Variants in FLNB observed in about 807,000 individuals in gnomAD.
FLNB encodes the protein filamin-B.
A neutral mutation model predicts 250.6 loss-of-function variants in FLNB; 111 were observed. The ratio of observed to expected loss-of-function variants is 0.44; its 90% CI spans 0.38 to 0.52. The LOEUF is 0.52. FLNB is among the 20% of genes least tolerant of loss of function. FLNB has a pLI of 0.00. For synonymous variants in FLNB, 1,302 were observed against 1,372.1 expected, an observed-to-expected ratio of 0.95 and a Z score of 1.13; for missense variants, 2,869 against 3,447.8, an observed-to-expected ratio of 0.83 and a Z score of 4.20.
At chr3:58,124,163 C>A (rs1028901329) in intron 21 of FLNB, among the ~76,000 whole-genome samples, 169 bp from the exon 22 acceptor site, 1 of 152,124 alleles carries the variant, frequency 6.6e-6, no homozygotes, top group African/African-American at 2.4e-5. Context: ...GAAAGGCCTT[C>A]TTTGGGATGG....
chr3:58,028,076 A>G (rs1201522245), intron 1 of FLNB, among the ~76,000 whole-genome samples: 1 of 152,242 alleles, frequency 6.6e-6, no homozygotes, highest in Non-Finnish European at 1.5e-5. Flanking sequence ...AACTGGGAAG[A>G]GAATAACGTC....
chr3:58,112,360 G>C, intron 18 of FLNB, 42 bp downstream of exon 18: 1 of 1,598,022 alleles, frequency 6.3e-7, no homozygotes, highest in Non-Finnish European at 8.6e-7. Flanking sequence ...CCCCAGCCAG[G>C]CCCCTTTCTA....
intron 1 of FLNB, among the ~76,000 whole-genome samples, chr3:58,073,392 G>A (rs931567851): frequency 2.0e-5 from 3 of 152,016 alleles, no homozygotes; most frequent in African/African-American, 7.3e-5. Context: ...GTCTGGTCCC[G>A]TGGGGTGGAT....
intron 33 of FLNB, 37 bp downstream of exon 33, chr3:58,146,086 G>A: frequency 1.2e-6 from 2 of 1,613,552 alleles, no homozygotes; most frequent in Middle Eastern, 1.7e-4. Context: ...GCCTCCAGCT[G>A]TCCATTTGGA....
chr3:58,097,843 T>C lies in FLNB; in HGVS notation c.1013T>C (p.Ile338Thr). 1 of 1,614,050 alleles carries C rather than the reference T, an allele frequency of 6.2e-7. No individual in the cohort carries two copies. The highest frequency in any genetic ancestry group is 8.5e-7 in the Non-Finnish European group (1 of 1,179,994). The change falls in exon 7 of 46, where the codon ATC (isoleucine) becomes ACC (threonine). Residue 338 changes from isoleucine (I) to threonine (T), a missense_variant. Physicochemically the swap from Ile to Thr is moderately conservative, Grantham distance 89. Transcript: ENST00000295956. ...ACAGTCCTCTTTGCAGGACAGCACA[T>C]CTCCAAGAGCCCATTTGAAGTGAGT... ...KVTVLFAGQH[I>T]SKSPFEVSVD...
Position 58,148,350 on chromosome 3 carries a change from C to T in FLNB, c.5873C>T (p.Pro1958Leu). Residue 1958 changes from proline to leucine, a missense_variant, in exon 35 of 46, where the codon CCC becomes CTC. This residue lies in a region of FLNB where 1,084 missense variants were observed against 1,315.5 expected (regional missense o/e 0.82). Coordinates refer to ENST00000295956, the MANE Select transcript of FLNB (RefSeq NM_001457.4). ...RDEPCLLKRL[P>L]NNHIGISFIP... The stretch of plus-strand genomic sequence containing the variant: ...GAGCCCTGTCTCCTGAAGAGGCTGC[C>T]CAACAACCACATTGGTGAGCTAGGC... The T allele has an allele frequency of 1.2e-6, 2 of 1,613,652 alleles. No homozygotes were observed. The highest frequency in any genetic ancestry group is 1.7e-6 in the Non-Finnish European group (2 of 1,179,864).
At chr3:58,114,608 A>G (rs893556159) in intron 18 of FLNB, among the ~76,000 whole-genome samples, 1 of 152,040 alleles carries the variant, frequency 6.6e-6, no homozygotes, top group African/African-American at 2.4e-5. Flanking sequence ...AGAAACTACT[A>G]TACTGTATTC....
chr3:58,111,162 T>C (rs2097268039), intron 16 of FLNB, among the ~76,000 whole-genome samples: 1 of 152,212 alleles, frequency 6.6e-6, no homozygotes, highest in Non-Finnish European at 1.5e-5. Flanking sequence ...TAAATTTTTA[T>C]AGAGAGAGGT....
intron 1 of FLNB, among the ~76,000 whole-genome samples, chr3:58,069,295 A>G (rs1468393994): frequency 7.1e-6 from 1 of 140,692 alleles, no homozygotes; most frequent in South Asian, 2.2e-4. Flanking sequence ...GCTGGAGTGC[A>G]ATGGAGTGAT....
intron 22 of FLNB, 106 bp downstream of exon 22, chr3:58,124,611 G>A: frequency 8.4e-7 from 1 of 1,192,262 alleles, no homozygotes; most frequent in Non-Finnish European, 1.2e-6. Context: ...GCCTGTCTCA[G>A]CAGGGCCACG....
chr3:58,117,790 G>GT lies in FLNB; in HGVS notation c.2746-1067dup, dbSNP rs112592090. 9.9e-3 allele frequency among the ~76,000 whole-genome samples: 1,397 copies of GT among 141,576 alleles called. 6 individuals carry two copies. The highest frequency in any genetic ancestry group is 0.02 in the African/African-American group (772 of 39,064). The allele number at this position is 141,576 out of a possible 152,430, so 92.9% of individuals were successfully genotyped here. ...AATCCTCTCTTCATTGATGCAACCA[G>GT]TTTTTTTTTTTTTTTCTTGGCCTTT... On this transcript the variant is annotated intron_variant, in intron 18 of 45. Transcript: ENST00000295956.
chr3:58,110,003 G>T lies in FLNB; in HGVS notation c.2324-7G>T. ...TAAGCTGGTGCTAATAAGCTGGTCT[G>T]TTCCAGGTGATGTCAGTGTTGGCAT... On this transcript the variant is annotated splice_region_variant and splice_polypyrimidine_tract_variant and intron_variant, in intron 15 of 45. Coordinates refer to ENST00000295956, the MANE Select transcript of FLNB (RefSeq NM_001457.4). 1 of 1,614,168 alleles carries T rather than the reference G, an allele frequency of 6.2e-7. No individual in the cohort carries two copies. The highest frequency in any genetic ancestry group is 8.5e-7 in the Non-Finnish European group (1 of 1,180,008).
At chr3:58,066,696 A>G (rs934747467) in intron 1 of FLNB, among the ~76,000 whole-genome samples, 20 of 152,218 alleles carry the variant, frequency 1.3e-4, no homozygotes, top group Non-Finnish European at 2.9e-4. Context: ...GATATTAAGT[A>G]ATTCTCAAAA....
intron 1 of FLNB, among the ~76,000 whole-genome samples, chr3:58,014,096 GGT>G (rs1388773667): frequency 1.3e-5 from 2 of 150,276 alleles, no homozygotes; most frequent in Non-Finnish European, 2.9e-5. Flanking sequence ...CACAGTTTAT[GGT>G]ACATAGTAAG....
chr3:58,100,373 A>AAAAAAATATATATATAT, intron 8 of FLNB, among the ~76,000 whole-genome samples: 27 of 104,346 alleles, frequency 2.6e-4, no homozygotes, highest in African/African-American at 1.1e-3. Flanking sequence ...GTAAAAAAAA[A>AAAAAAATATATATATAT]ATATATATAT....
chr3:58,069,737 G>A (rs9836278), intron 1 of FLNB, among the ~76,000 whole-genome samples: 37,611 of 152,088 alleles, frequency 0.25, 5,807 homozygotes, highest in Middle Eastern at 0.41. Context: ...CAGCGTTAGG[G>A]GTCAGCCTCC....
chr3:58,061,033 A>G (rs905532011), intron 1 of FLNB, among the ~76,000 whole-genome samples: 1 of 152,142 alleles, frequency 6.6e-6, no homozygotes, highest in Non-Finnish European at 1.5e-5. Context: ...TCAGAAAGAC[A>G]ATCAGGCAAA....
intron 1 of FLNB, among the ~76,000 whole-genome samples, chr3:58,026,221 A>C (rs2097123436): frequency 6.6e-6 from 1 of 152,140 alleles, no homozygotes; most frequent in Non-Finnish European, 1.5e-5. Flanking sequence ...ATCCTCCATG[A>C]GGCTGAGGCT....
intron 34 of FLNB, among the ~76,000 whole-genome samples, chr3:58,147,542 T>C (rs2097337698): frequency 6.6e-6 from 1 of 152,230 alleles, no homozygotes; most frequent in Non-Finnish European, 1.5e-5. Flanking sequence ...CCCCACCGTA[T>C]TTAGACCTGT....
Sources: gnomAD v4.1 joint callset for allele counts (sites outside exome capture counted in the v4.1 genomes callset) on GRCh38, gnomAD v4.1.1 for gene constraint, gnomAD v4.1.1 regional missense constraint, MANE v1.5 for transcripts, NCBI Gene and HGNC (gene_info 2026-07-23, HGNC 2026-07-21) for gene names.